SVOPL: variants seen among roughly 807,000 people sequenced by gnomAD.
SVOPL encodes putative transporter SVOPL.
A neutral mutation model predicts 61.0 loss-of-function variants in SVOPL; 60 were observed. The ratio of observed to expected loss-of-function variants is 0.98; its 90% CI spans 0.80 to 1.22. The LOEUF (loss-of-function observed/expected upper bound fraction) is 1.22, where lower values mean the gene tolerates loss of function less well. Among genes scored for constraint, SVOPL ranks in the 50% most tolerant of loss-of-function variants. The probability of loss-of-function intolerance (pLI) is 0.00; values close to 1 mark genes in which losing one functional copy is unlikely to be tolerated. For missense variants in SVOPL, 662 were observed against 643.9 expected (o/e 1.03, Z -0.30); for synonymous variants, 279 against 250.0 (o/e 1.12, Z -1.09).
intron 1 of SVOPL, among the ~76,000 whole-genome samples, chr7:138,699,024 T>C (rs1170550927): frequency 3.3e-5 from 5 of 152,172 alleles, no homozygotes. Context: ...TGGTAGCACA[T>C]GCCTGTAGTC....
chr7:138,695,594 T>C (rs7796565), intron 1 of SVOPL, among the ~76,000 whole-genome samples: 5,884 of 152,198 alleles, frequency 0.039, 368 homozygotes, highest in African/African-American at 0.13. Flanking sequence ...AAGAGAGGGC[T>C]CCTTCTCTTG....
intron 3 of SVOPL, among the ~76,000 whole-genome samples, chr7:138,675,235 A>C (rs535804117): frequency 6.7e-6 from 1 of 149,506 alleles, no homozygotes; most frequent in Admixed American, 6.7e-5. Context: ...ATCTCATCTC[A>C]AAAAAAAAGA....
In SVOPL at chr7:138,663,159, C is replaced by T. The variant is rs772148607; in HGVS notation, c.274-14G>A. On this transcript the variant is annotated splice_polypyrimidine_tract_variant and intron_variant, in intron 4 of 15. Coordinates refer to ENST00000674285, the MANE Select transcript of SVOPL (RefSeq NM_001139456.2). ...AAAAAACACCATCTGCAAGTGGGAG[C>T]GAGATAAAACGGTTCTCTAAGCAGG... The T allele has an allele frequency of 4.3e-6, 7 of 1,611,226 alleles. No individual in the cohort carries two copies. The African/African-American group carries it at 6.7e-5, about 15-fold the overall frequency.
At chr7:138,693,815 T>C (rs549645693) in intron 1 of SVOPL, among the ~76,000 whole-genome samples, 59 of 152,014 alleles carry the variant, frequency 3.9e-4, no homozygotes, top group African/African-American at 1.3e-3. Flanking sequence ...CCCTTATTAC[T>C]TCAACAAAAA....
At chr7:138,685,537 T>C (rs1285829244) in intron 1 of SVOPL, among the ~76,000 whole-genome samples, 1 of 152,134 alleles carries the variant, frequency 6.6e-6, no homozygotes, top group African/African-American at 2.4e-5. Flanking sequence ...AGCCTATAGT[T>C]AACAATATGG....
chr7:138,644,106 C>T (rs1048026125), intron 9 of SVOPL, among the ~76,000 whole-genome samples: 5 of 140,992 alleles, frequency 3.5e-5, no homozygotes, highest in Middle Eastern at 4.0e-3. Flanking sequence ...GAGGCTGACA[C>T]AGGAGAATCA....
intron 14 of SVOPL, among the ~76,000 whole-genome samples, chr7:138,615,789 C>T (rs891208687): frequency 6.8e-5 from 10 of 148,124 alleles, no homozygotes; most frequent in African/African-American, 2.2e-4. Context: ...AGTGAGACTC[C>T]GTCTGGGGGA....
intron 1 of SVOPL, among the ~76,000 whole-genome samples, chr7:138,700,270 C>T (rs1006999660): frequency 6.7e-6 from 1 of 148,314 alleles, no homozygotes; most frequent in Non-Finnish European, 1.5e-5. Context: ...AGCTTGCAAT[C>T]TTAACTCAGC....
In SVOPL at chr7:138,596,416, C is replaced by A; in HGVS notation, c.1467+1G>T. The A allele has an allele frequency of 6.2e-7, 1 of 1,613,534 alleles. No individual in the cohort carries two copies. Among genetic ancestry groups the A allele is most frequent in the Non-Finnish European group, 8.5e-7 (1 of 1,179,712 alleles). On this transcript the variant is annotated splice_donor_variant, in intron 15 of 15. Transcript: ENST00000674285. LOFTEE classifies it high-confidence loss of function. ...ACTTCAGAGTTCCCTGCATCACTCACCTGGAGGGCCCGTCCTTTGGTTTCG... is the reference window on the plus strand; with the variant it reads ...ACTTCAGAGTTCCCTGCATCACTCAACTGGAGGGCCCGTCCTTTGGTTTCG...
intron 13 of SVOPL, 51 bp downstream of exon 13, chr7:138,625,918 A>C (rs903056933): frequency 1.3e-6 from 2 of 1,587,310 alleles, no homozygotes; most frequent in Non-Finnish European, 1.7e-6. Context: ...GGACATCCTA[A>C]GTAGCTCACC....
rs745438586 is a variant in SVOPL, at chr7:138,628,249, GT to G, written c.977del (p.Asp326AlafsTer22). On this transcript the variant is annotated frameshift_variant, in exon 11 of 16. Transcript: ENST00000674285. LOFTEE classifies it high-confidence loss of function. ...SDSAVVVTGGDSGESQSPCYC... is the reference protein window; with the variant it reads ...SDSAVVVTGGXSGESQSPCYC... ...AGCAGGGGCTCTGGCTCTCCCCTGA[GT>G]CCCCCCCAGTCACCACCACCGCAGA... 1 of 1,614,160 alleles carries G rather than the reference GT, an allele frequency of 6.2e-7. No homozygotes were observed. Among genetic ancestry groups the G allele is most frequent in the South Asian group, 1.1e-5 (1 of 91,068 alleles).
chr7:138,610,475 G>T (rs1290061293), intron 14 of SVOPL, among the ~76,000 whole-genome samples: 3 of 152,054 alleles, frequency 2.0e-5, no homozygotes, highest in African/African-American at 7.2e-5. Flanking sequence ...TAAATGGTGA[G>T]ATATTAGTAA....
chr7:138,600,303 A>T (rs1427343087), intron 14 of SVOPL, among the ~76,000 whole-genome samples: 1 of 152,178 alleles, frequency 6.6e-6, no homozygotes, highest in African/African-American at 2.4e-5. Flanking sequence ...GGGTTTAAAA[A>T]CTTGCTATCC....
At chr7:138,611,866 T>C (rs1262085282) in intron 14 of SVOPL, among the ~76,000 whole-genome samples, 7 of 78,720 alleles carry the variant, frequency 8.9e-5, no homozygotes, top group African/African-American at 1.3e-4. Context: ...TTGCAGCCTC[T>C]GCCCGGCCGC....
intron 5 of SVOPL, 179 bp from the exon 6 acceptor site, chr7:138,660,167 T>C: frequency 7.2e-7 from 1 of 1,380,610 alleles, no homozygotes; most frequent in East Asian, 2.9e-5. Flanking sequence ...GCCATTCTAC[T>C]GTCTGGAAGC....
intron 10 of SVOPL, 119 bp from the exon 11 acceptor site, chr7:138,628,482 G>T: frequency 1.0e-6 from 1 of 975,060 alleles, no homozygotes; most frequent in Non-Finnish European, 1.5e-6. Context: ...AGAAAGCCAG[G>T]CTCAGACGCC....
At chr7:138,678,612 A>T in intron 2 of SVOPL, 87 bp from the exon 3 acceptor site, 1 of 1,351,844 alleles carries the variant, frequency 7.4e-7, no homozygotes, top group Middle Eastern at 2.1e-4. Flanking sequence ...CCAACCCATT[A>T]TTATAAAAAC....
chr7:138,605,802 G>A (rs1031297043), intron 14 of SVOPL, among the ~76,000 whole-genome samples: 5 of 152,144 alleles, frequency 3.3e-5, no homozygotes, highest in Non-Finnish European at 7.3e-5. Context: ...TGAGGCAAAG[G>A]CTCTGGCTGA....
chr7:138,637,441 TAGATAGATAG>T lies in SVOPL; in HGVS notation c.789+7266_789+7275del, dbSNP rs1305816290. On this transcript the variant is annotated intron_variant, in intron 9 of 15. Coordinates refer to ENST00000674285, the MANE Select transcript of SVOPL (RefSeq NM_001139456.2). Reference sequence around the variant, plus strand: ...AGACTCCATCTCATATATATATATATAGATAGATAGATAGATATATATATATAGATATAGA... The same window carrying T: ...AGACTCCATCTCATATATATATATATATAGATATATATATATAGATATAGA... Among the ~76,000 whole-genome samples, 489 of 58,236 alleles carry T rather than the reference TAGATAGATAG, an allele frequency of 8.4e-3. 4 individuals are homozygous for T. Among genetic ancestry groups the T allele is most frequent in the Middle Eastern group, 0.024 (2 of 84 alleles). The allele number at this position is 58,236 out of a possible 152,430, so 38.2% of individuals were successfully genotyped here.
Sources: gnomAD v4.1 joint callset for allele counts (sites outside exome capture counted in the v4.1 genomes callset) on GRCh38, gnomAD v4.1.1 for gene constraint, MANE v1.5 for transcripts, NCBI Gene and HGNC (gene_info 2026-07-23, HGNC 2026-07-21) for gene names.